Variants in CAPZA2 observed in about 807,000 individuals in gnomAD.
The protein encoded by CAPZA2 is F-actin-capping protein subunit alpha-2.
In CAPZA2, 13 loss-of-function variants were observed where a neutral mutation model predicts 44.0. That is an observed-to-expected ratio of 0.30 (90% CI 0.19 to 0.47). CAPZA2 has a LOEUF of 0.47. Among genes scored for constraint, CAPZA2 ranks in the 20% least tolerant of loss-of-function variants. CAPZA2 has a pLI of 1.00. For missense variants in CAPZA2, 244 were observed against 338.6 expected (o/e 0.72, Z 2.19); for synonymous variants, 94 against 108.2 (o/e 0.87, Z 0.81).
At chr7:116,873,126 G>A (rs1338800583) in intron 1 of CAPZA2, among the ~76,000 whole-genome samples, 1 of 152,144 alleles carries the variant, frequency 6.6e-6, no homozygotes, top group Non-Finnish European at 1.5e-5. Context: ...AGGGGCTCTA[G>A]GTAGGATTCT....
chr7:116,918,710 CATTAAA>C lies in CAPZA2; in HGVS notation c.*846_*851del. 1 of 152,116 alleles carries C rather than the reference CATTAAA, an allele frequency of 6.6e-6. No homozygotes were observed. The highest frequency in any genetic ancestry group is 2.4e-5 in the African/African-American group (1 of 41,476). The allele number at this position is 152,116 out of a possible 1,614,324, so 9.4% of individuals were successfully genotyped here. A position where few individuals can be genotyped will look rare whatever the true frequency, so the allele number is the denominator to read the frequency against. ...TGAAAAGTACTGAAATTCAATGTGA[CATTAAA>C]ATGCAAATTTTCCTATTTATTTGAG... is the stretch of plus-strand genomic sequence containing the variant. On this transcript the variant is annotated 3_prime_UTR_variant, in exon 10 of 10. Coordinates refer to ENST00000361183, the MANE Select transcript of CAPZA2 (RefSeq NM_006136.3).
At position 116,915,947 on chromosome 7, in the gene CAPZA2, A is replaced by G; in HGVS notation, c.658-113A>G. On this transcript the variant is annotated intron_variant, in intron 8 of 9. Transcript: ENST00000361183. Reference sequence around the variant, plus strand: ...GATCTTACAATATTTATTCTATGTCATAATTTCCTTCTGTGTTATTTATTA... The same window carrying G: ...GATCTTACAATATTTATTCTATGTCGTAATTTCCTTCTGTGTTATTTATTA... 4.1e-6 allele frequency: 3 copies of G among 723,664 alleles called. 1 individual carries two copies. Among genetic ancestry groups the G allele is most frequent in the South Asian group, 4.5e-5 (2 of 44,806 alleles). The allele number at this position is 723,664 out of a possible 1,614,324, so 44.8% of individuals were successfully genotyped here.
chr7:116,901,881 A>G (rs1393610850), intron 4 of CAPZA2, among the ~76,000 whole-genome samples: 1 of 140,820 alleles, frequency 7.1e-6, no homozygotes, highest in Admixed American at 7.2e-5. Context: ...TAACGAAGAA[A>G]TGTGTGTGTG....
intron 5 of CAPZA2, among the ~76,000 whole-genome samples, chr7:116,905,434 A>G (rs1008172397): frequency 1.3e-5 from 2 of 152,072 alleles, no homozygotes; most frequent in Non-Finnish European, 1.5e-5. Context: ...TACCCCTCCA[A>G]CCTAACTCTA....
intron 8 of CAPZA2, among the ~76,000 whole-genome samples, chr7:116,913,425 A>G (rs537270211): frequency 6.6e-6 from 1 of 152,322 alleles, no homozygotes; most frequent in Admixed American, 6.5e-5. Context: ...TCTTCTACCT[A>G]ACTTTTAAAC....
chr7:116,882,733 T>C (rs754110339), intron 1 of CAPZA2, among the ~76,000 whole-genome samples: 14 of 152,350 alleles, frequency 9.2e-5, no homozygotes, highest in Admixed American at 2.0e-4. Flanking sequence ...GTTATATTTG[T>C]TACTTATGTG....
chr7:116,896,366 A>G (rs1253075186), intron 3 of CAPZA2, among the ~76,000 whole-genome samples: 1 of 152,160 alleles, frequency 6.6e-6, no homozygotes, highest in Non-Finnish European at 1.5e-5. Context: ...TTCAACAGAC[A>G]TTGCTAGACT....
chr7:116,902,466 T>A (rs1160599252), intron 4 of CAPZA2, among the ~76,000 whole-genome samples: 1 of 152,194 alleles, frequency 6.6e-6, no homozygotes, highest in African/African-American at 2.4e-5. Context: ...TACTTAGTTT[T>A]ATCAGTAGTC....
intron 1 of CAPZA2, among the ~76,000 whole-genome samples, chr7:116,887,327 G>T (rs534714836): frequency 6.6e-6 from 1 of 152,166 alleles, no homozygotes; most frequent in Non-Finnish European, 1.5e-5. Flanking sequence ...AGGAGTTCAA[G>T]ACCAGCCTGG....
chr7:116,916,055 TTC>T lies in CAPZA2; in HGVS notation c.658-4_658-3del. The T allele has an allele frequency of 6.6e-7, 1 of 1,518,784 alleles. No individual in the cohort carries two copies. The highest frequency in any genetic ancestry group is 2.3e-5 in the Admixed American group (1 of 42,722). 94.1% of individuals were successfully genotyped at this position (1,518,784 alleles called of 1,614,324 possible). On this transcript the variant is annotated splice_polypyrimidine_tract_variant and splice_region_variant and intron_variant, in intron 8 of 9. Coordinates refer to ENST00000361183, the MANE Select transcript of CAPZA2 (RefSeq NM_006136.3). ...CTATTTTTATTTTGTTTTTTTTTTT[TTC>T]AGAATGAAGTGCAAACAGCAAAAGA...
chr7:116,895,087 A>C (rs1004168169), intron 3 of CAPZA2, among the ~76,000 whole-genome samples: 1 of 152,020 alleles, frequency 6.6e-6, no homozygotes, highest in Non-Finnish European at 1.5e-5. Flanking sequence ...TAATAATATA[A>C]AACATGTTGA....
intron 2 of CAPZA2, among the ~76,000 whole-genome samples, chr7:116,890,847 GATT>G (rs948807320): frequency 1.1e-4 from 16 of 148,226 alleles, no homozygotes; most frequent in African/African-American, 3.7e-4. Context: ...ATATGAATGT[GATT>G]ATTTTCTATT....
chr7:116,869,614 A>C (rs557693067), intron 1 of CAPZA2, among the ~76,000 whole-genome samples: 75 of 152,336 alleles, frequency 4.9e-4, no homozygotes, highest in African/African-American at 1.7e-3. Flanking sequence ...TGCATCTTAT[A>C]TTGATTGTGA....
intron 8 of CAPZA2, among the ~76,000 whole-genome samples, chr7:116,912,951 G>A (rs1265477112): frequency 1.3e-5 from 2 of 152,166 alleles, no homozygotes; most frequent in Non-Finnish European, 2.9e-5. Context: ...TTTCCAAAAT[G>A]TGTCCTTTTG....
chr7:116,917,244 T>C (rs2115990785), intron 9 of CAPZA2, among the ~76,000 whole-genome samples: 1 of 152,224 alleles, frequency 6.6e-6, no homozygotes, highest in Non-Finnish European at 1.5e-5. Flanking sequence ...TAGCTGCTTT[T>C]ATTTTATTTA....
chr7:116,862,844 C>T (rs1439052208), intron 1 of CAPZA2, among the ~76,000 whole-genome samples, 194 bp downstream of exon 1: 1 of 152,064 alleles, frequency 6.6e-6, no homozygotes, highest in Non-Finnish European at 1.5e-5. Flanking sequence ...GGGGGCAGGT[C>T]TCTGCCAGGC....
chr7:116,901,506 A>G (rs1046042711), intron 4 of CAPZA2, among the ~76,000 whole-genome samples: 17 of 152,226 alleles, frequency 1.1e-4, no homozygotes, highest in African/African-American at 3.8e-4. Flanking sequence ...ACTGGGACCT[A>G]TCAGAGGATG....
intron 8 of CAPZA2, among the ~76,000 whole-genome samples, chr7:116,914,114 G>A (rs1217087622): frequency 2.0e-5 from 3 of 146,592 alleles, no homozygotes; most frequent in East Asian, 2.0e-4. Flanking sequence ...TGCAAGCTCC[G>A]CCTCCTGGGT....
At position 116,917,982 on chromosome 7, in the gene CAPZA2, T is replaced by G. The variant is rs1275637283; in HGVS notation, c.*115T>G. ...ATGGGCTGTTGCCATTTAAAATCAC[T>G]GTAATTAATTAGTTTGATTAGAGCA... is the stretch of plus-strand genomic sequence containing the variant. On this transcript the variant is annotated 3_prime_UTR_variant, in exon 10 of 10. Transcript: ENST00000361183. 6.9e-6 allele frequency: 5 copies of G among 728,678 alleles called. No individual in the cohort carries two copies. In the Admixed American group the frequency reaches 1.2e-4, roughly 18 times the overall value. The allele number at this position is 728,678 out of a possible 1,614,324, so 45.1% of individuals were successfully genotyped here. A position where few individuals can be genotyped will look rare whatever the true frequency, so the allele number is the denominator to read the frequency against.
Sources: allele counts gnomAD v4.1 joint callset (sites outside exome capture counted in the v4.1 genomes callset), GRCh38; gene constraint gnomAD v4.1.1; transcripts MANE v1.5; gene names NCBI Gene and HGNC (gene_info 2026-07-23, HGNC 2026-07-21).